The following GXYLT1 variants were observed in gnomAD, a reference collection of about 807,000 sequenced individuals.
The protein encoded by GXYLT1 is glucoside xylosyltransferase 1, also known as glycosyltransferase 8 domain containing 3.
Under a neutral mutation model 54.0 loss-of-function variants are expected in GXYLT1, and 29 were observed. The ratio of observed to expected loss-of-function variants is 0.54; its 90% confidence interval spans 0.40 to 0.73. GXYLT1 has a LOEUF of 0.73. Ranked by LOEUF, GXYLT1 falls within the 30% of genes least tolerant of loss-of-function variation. The pLI, the probability that GXYLT1 is intolerant of heterozygous loss-of-function variation, is 0.00. For synonymous variants in GXYLT1, 176 were observed against 204.1 expected (o/e 0.86, Z 1.17); for missense variants, 490 against 553.4 (o/e 0.89, Z 1.15).
intron 7 of GXYLT1, among the ~76,000 whole-genome samples, chr12:42,096,408 G>T (rs181109251): frequency 6.6e-6 from 1 of 152,278 alleles, no homozygotes; most frequent in Admixed American, 6.5e-5. Context: ...AGGGACACAA[G>T]AAGTAGCCAA....
At chr12:42,119,984 A>C (rs899088366) in intron 2 of GXYLT1, among the ~76,000 whole-genome samples, 1 of 152,362 alleles carries the variant, frequency 6.6e-6, no homozygotes, top group East Asian at 1.9e-4. Flanking sequence ...CCAAGAATAC[A>C]TAACTAGCAC....
At chr12:42,125,649 T>C (rs1245778217) in intron 2 of GXYLT1, among the ~76,000 whole-genome samples, 4 of 152,052 alleles carry the variant, frequency 2.6e-5, no homozygotes, top group Non-Finnish European at 5.9e-5. Context: ...AGAACAATAA[T>C]TCAGAGGTGG....
chr12:42,114,864 C>A (rs11181336), intron 3 of GXYLT1, among the ~76,000 whole-genome samples: 12 of 151,250 alleles, frequency 7.9e-5, no homozygotes, highest in African/African-American at 2.2e-4. Context: ...TGATGAACAT[C>A]GATGCAAAAA....
chr12:42,088,193 C>T (rs2065308590), intron 7 of GXYLT1, among the ~76,000 whole-genome samples: 1 of 151,704 alleles, frequency 6.6e-6, no homozygotes, highest in Non-Finnish European at 1.5e-5. Context: ...GCAGAGAAGA[C>T]TGAAATACTG....
Position 42,087,858 on chromosome 12 carries a change from A to G in GXYLT1, c.1251T>C (p.Ile417=). The part of the protein sequence containing the change: ...QKTVHTYCGK[I]YKIFIKQLAK... ...CTAGTTGTTTGATAAATATTTTGTA[A>G]ATTTTTCCACAGTATGTATGCACTG... Residue 417 remains isoleucine (I), a synonymous_variant, in exon 8 of 8, where the codon ATT becomes ATC. Coordinates refer to ENST00000398675, the MANE Select transcript of GXYLT1 (RefSeq NM_173601.2). The G allele has an allele frequency of 6.2e-7, 1 of 1,605,920 alleles. No homozygotes were observed. Among genetic ancestry groups the G allele is most frequent in the Non-Finnish European group, 8.5e-7 (1 of 1,174,654 alleles).
intron 3 of GXYLT1, among the ~76,000 whole-genome samples, chr12:42,115,939 C>T (rs10880247): frequency 0.42 from 45,821 of 108,022 alleles, 10,924 homozygotes; most frequent in South Asian, 0.57. Context: ...GAGATATAGA[C>T]CAATGGAACT....
rs76034661 is a variant in GXYLT1, at chr12:42,106,023, A to G, written c.659T>C (p.Ile220Thr). ...ATCATCAACTGGTCGTAAAAAAAGG[A>G]TATCAGTGTCGACATACAATAGTGA... ...VDSLLYVDTD[I>T]LFLRPVDDIW... The change falls in exon 5 of 8, where the codon ATC (isoleucine) becomes ACC (threonine). Residue 220 changes from isoleucine (I) to threonine (T), a missense_variant. Ile to Thr is a moderately conservative substitution (Grantham distance 89). Coordinates refer to ENST00000398675, the MANE Select transcript of GXYLT1 (RefSeq NM_173601.2). 21 of 1,402,706 alleles carry G rather than the reference A, an allele frequency of 1.5e-5. No homozygotes were observed. The highest frequency in any genetic ancestry group is 5.9e-5 in the South Asian group (4 of 67,360). 86.9% of individuals were successfully genotyped at this position (1,402,706 alleles called of 1,614,324 possible).
Position 42,111,437 on chromosome 12 carries a change from T to A in GXYLT1, c.487-1746A>T, listed in dbSNP as rs141236485. Among the ~76,000 whole-genome samples, 1,281 of 152,304 alleles carry A rather than the reference T, an allele frequency of 8.4e-3. 19 individuals are homozygous for A. The highest frequency in any genetic ancestry group is 0.01 in the Non-Finnish European group (687 of 68,026). ...AATCGGGTCACTCCCACCCTAATACTGCGCTTTTCCAATGGGCTTAAAAAA... is the reference window on the plus strand; with the variant it reads ...AATCGGGTCACTCCCACCCTAATACAGCGCTTTTCCAATGGGCTTAAAAAA... On this transcript the variant is annotated intron_variant, in intron 3 of 7. Transcript: ENST00000398675.
Position 42,085,138 on chromosome 12 carries a change from T to G in GXYLT1, c.*2648A>C, listed in dbSNP as rs1045550708. 35 of 152,264 alleles carry G rather than the reference T, an allele frequency of 2.3e-4. No homozygotes were observed. Among genetic ancestry groups the G allele is most frequent in the African/African-American group, 8.2e-4 (34 of 41,472 alleles). 9.4% of individuals were successfully genotyped at this position (152,264 alleles called of 1,614,324 possible). A position where few individuals can be genotyped will look rare whatever the true frequency, so the allele number is the denominator to read the frequency against. On this transcript the variant is annotated 3_prime_UTR_variant, in exon 8 of 8. Transcript: ENST00000398675. Reference sequence around the variant, plus strand: ...TTGTCTAAAGATAAATTCAGAAAATTCATTTAAAAATTATTATACATATTT... The same window carrying G: ...TTGTCTAAAGATAAATTCAGAAAATGCATTTAAAAATTATTATACATATTT...
intron 1 of GXYLT1, among the ~76,000 whole-genome samples, chr12:42,142,114 A>G (rs2136924523): frequency 6.6e-6 from 1 of 152,342 alleles, no homozygotes; most frequent in Non-Finnish European, 1.5e-5. Context: ...TACTACTGAA[A>G]AGAGGAAGCT....
chr12:42,141,144 C>T (rs1241420310), intron 1 of GXYLT1, among the ~76,000 whole-genome samples: 1 of 152,160 alleles, frequency 6.6e-6, no homozygotes, highest in Non-Finnish European at 1.5e-5. Flanking sequence ...ATCAGAGTTC[C>T]CCATCCCAAG....
chr12:42,105,742 TA>T, intron 5 of GXYLT1, 75 bp downstream of exon 5: 2 of 1,121,090 alleles, frequency 1.8e-6, no homozygotes, highest in South Asian at 1.5e-5. Flanking sequence ...TAGTTTTTAA[TA>T]AAATTTAGTT....
intron 2 of GXYLT1, among the ~76,000 whole-genome samples, chr12:42,122,299 G>A (rs2065535858): frequency 6.6e-6 from 1 of 152,220 alleles, no homozygotes; most frequent in African/African-American, 2.4e-5. Context: ...AATTTACAAA[G>A]TGAACCCTGG....
Position 42,123,617 on chromosome 12 carries a change from CATA to C in GXYLT1, c.315-4449_315-4447del, listed in dbSNP as rs202210514. ...AAGTAAATTTCTGCTATAAAGGAATCATAATAACTTTTTTGATTTTGTTTTATT... is the reference window on the plus strand; with the variant it reads ...AAGTAAATTTCTGCTATAAAGGAATCATAACTTTTTTGATTTTGTTTTATT... On this transcript the variant is annotated intron_variant, in intron 2 of 7. Transcript: ENST00000398675. Among the ~76,000 whole-genome samples the C allele has an allele frequency of 1.8e-3, 280 of 152,100 alleles. 3 individuals are homozygous for C. The East Asian group carries it at 0.032, about 18-fold the overall frequency.
chr12:42,138,298 T>C (rs144235291), intron 1 of GXYLT1, among the ~76,000 whole-genome samples: 147 of 152,230 alleles, frequency 9.7e-4, no homozygotes, highest in African/African-American at 3.3e-3. Flanking sequence ...AATAAATAAA[T>C]AAACAAACAA....
At chr12:42,096,826 C>T (rs946133408) in intron 7 of GXYLT1, among the ~76,000 whole-genome samples, 22 of 152,064 alleles carry the variant, frequency 1.4e-4, no homozygotes, top group African/African-American at 5.3e-4. Flanking sequence ...TGATCAAAAT[C>T]AACATCACCA....
intron 5 of GXYLT1, among the ~76,000 whole-genome samples, chr12:42,104,883 C>G (rs2065410541): frequency 6.6e-6 from 1 of 152,186 alleles, no homozygotes; most frequent in Admixed American, 6.5e-5. Context: ...AACAGTAACT[C>G]TATACTCCTA....
At chr12:42,109,175 C>G (rs2065437521) in intron 4 of GXYLT1, among the ~76,000 whole-genome samples, 1 of 152,150 alleles carries the variant, frequency 6.6e-6, no homozygotes. Context: ...ATGAAGCACT[C>G]TACCTCATTT....
In GXYLT1 at chr12:42,086,122, A is replaced by G. The variant is rs985561321; in HGVS notation, c.*1664T>C. ...AGGACCATTAGAAATGATCTAATAC[A>G]TACCCTCCAAACTTCACATTTTTAG... On this transcript the variant is annotated 3_prime_UTR_variant, in exon 8 of 8. Transcript: ENST00000398675. 4 of 152,246 alleles carry G rather than the reference A, an allele frequency of 2.6e-5. No homozygotes were observed. Among genetic ancestry groups the G allele is most frequent in the Admixed American group, 6.5e-5 (1 of 15,278 alleles). The allele number at this position is 152,246 out of a possible 1,614,324, so 9.4% of individuals were successfully genotyped here.
Sources: gnomAD v4.1 joint callset for allele counts (sites outside exome capture counted in the v4.1 genomes callset) on GRCh38, gnomAD v4.1.1 for gene constraint, MANE v1.5 for transcripts, NCBI Gene and HGNC (gene_info 2026-07-23, HGNC 2026-07-21) for gene names.